Variants in ERICH3 observed in about 807,000 individuals in gnomAD.
The protein encoded by ERICH3 is glutamate rich 3, also known as glutamate-rich protein 3.
Under a neutral mutation model 131.1 loss-of-function variants are expected in ERICH3, and 126 were observed. That is an observed-to-expected ratio of 0.96 (90% CI 0.83 to 1.11). The LOEUF is 1.11. Among genes scored for constraint, ERICH3 ranks in the 50% most tolerant of loss-of-function variants. The pLI is 0.00. For missense variants in ERICH3, 2,050 were observed against 1,810.7 expected, an observed-to-expected ratio of 1.13 and a Z score of -2.40; for synonymous variants, 695 against 644.6, an observed-to-expected ratio of 1.08 and a Z score of -1.18.
Position 74,570,100 on chromosome 1 carries a change from C to T in ERICH3, c.*358G>A, listed in dbSNP as rs1425306500. On this transcript the variant is annotated 3_prime_UTR_variant, in exon 15 of 15. Transcript: ENST00000326665. ...AATAAAAAGGACTTTAAACAAACCC[C>T]TAACATTAGGACTGGGCCTTCCAGT... The T allele has an allele frequency of 6.6e-6, 1 of 152,194 alleles. No individual in the cohort carries two copies. The highest frequency in any genetic ancestry group is 1.5e-5 in the Non-Finnish European group (1 of 68,030). 9.4% of individuals were successfully genotyped at this position (152,194 alleles called of 1,614,324 possible). A position where few individuals can be genotyped will look rare whatever the true frequency, so the allele number is the denominator to read the frequency against.
Position 74,573,266 on chromosome 1 carries a change from G to T in ERICH3, c.2444C>A (p.Thr815Lys), listed in dbSNP as rs751856139. The T allele has an allele frequency of 6.3e-7, 1 of 1,599,720 alleles. No homozygotes were observed. The highest frequency in any genetic ancestry group is 8.5e-7 in the Non-Finnish European group (1 of 1,174,206). ...HEAPLRAWKP[T>K]AEQPELAEEF... ...TTCTGCCAATTCTGGCTGCTCTGCT[G>T]TTGGCTTCCACGCCCTCAAGGGAGC... The change falls in exon 14 of 15, where the codon ACA (threonine) becomes AAA (lysine). Residue 815 changes from threonine (T) to lysine (K), a missense_variant. Transcript: ENST00000326665.
rs1360292085 is a variant in ERICH3 at position 74,568,808 on chromosome 1, C to G, written c.*1650G>C. 1.3e-5 allele frequency: 2 copies of G among 152,236 alleles called. No homozygotes were observed. The highest frequency in any genetic ancestry group is 1.9e-4 in the East Asian group (1 of 5,184). 9.4% of individuals were successfully genotyped at this position (152,236 alleles called of 1,614,324 possible). On this transcript the variant is annotated 3_prime_UTR_variant, in exon 15 of 15. Coordinates refer to ENST00000326665, the MANE Select transcript of ERICH3 (RefSeq NM_001002912.5). ...TGGCTTTCCAACTGAGACTAATCCT[C>G]AATACAATCAATAGTCCATGACAGC...
chr1:74,652,535 A>G (rs1174795622), intron 1 of ERICH3, among the ~76,000 whole-genome samples: 1 of 145,366 alleles, frequency 6.9e-6, no homozygotes, highest in African/African-American at 2.5e-5. Context: ...TACTCCCTTC[A>G]CTTTTCTTTT....
intron 7 of ERICH3, chr1:74,623,589 G>C (rs1401655991): frequency 6.6e-6 from 1 of 152,086 alleles, no homozygotes; most frequent in African/African-American, 2.4e-5. Flanking sequence ...GGGGGGAAAG[G>C]GGCAGAATTT....
At chr1:74,607,287 A>G (rs1302080372) in intron 9 of ERICH3, among the ~76,000 whole-genome samples, 4 of 152,124 alleles carry the variant, frequency 2.6e-5, no homozygotes, top group African/African-American at 7.2e-5. Flanking sequence ...ACATAAAGAC[A>G]TATCTCAAGT....
chr1:74,623,428 C>T (rs1649301496), intron 7 of ERICH3: 1 of 152,128 alleles, frequency 6.6e-6, no homozygotes, highest in Admixed American at 6.5e-5. Flanking sequence ...TGTCAAAGGG[C>T]CTGTTCTTGT....
rs1646436833 is a variant in ERICH3, at chr1:74,641,441, A to T, written c.334T>A (p.Ser112Thr). ...QRFKGEHTRR[S>T]VENNMPILSP... ...AGGATTGGCATGTTATTTTCAACAGACCTTCTTGTGTGCTCTCCCTAGAAT... is the reference window on the plus strand; with the variant it reads ...AGGATTGGCATGTTATTTTCAACAGTCCTTCTTGTGTGCTCTCCCTAGAAT... The change falls in exon 5 of 15, where the codon TCT becomes ACT. Residue 112 changes from serine to threonine, a missense_variant. Transcript: ENST00000326665. 9 of 1,611,422 alleles carry T rather than the reference A, an allele frequency of 5.6e-6. No individual in the cohort carries two copies. The highest frequency in any genetic ancestry group is 7.6e-6 in the Non-Finnish European group (9 of 1,179,080).
At chr1:74,599,568 T>C in intron 11 of ERICH3, 127 bp downstream of exon 11, 1 of 852,024 alleles carries the variant, frequency 1.2e-6, no homozygotes, top group Non-Finnish European at 1.8e-6. Context: ...GTACCCCTTA[T>C]TTAAAAGTTA....
At chr1:74,570,985 C>G (rs1243861233) in intron 14 of ERICH3, 114 bp downstream of exon 14, 17 of 1,339,466 alleles carry the variant, frequency 1.3e-5, no homozygotes, top group Middle Eastern at 2.3e-4. Context: ...AGAATTGAAG[C>G]CTGTGTGTTT....
chr1:74,633,850 G>A (rs1570894081), intron 6 of ERICH3, among the ~76,000 whole-genome samples: 2 of 151,996 alleles, frequency 1.3e-5, no homozygotes, highest in South Asian at 4.1e-4. Flanking sequence ...ACAAATACTT[G>A]TACTAATTTC....
At chr1:74,602,152 A>T (rs1383501582) in intron 10 of ERICH3, among the ~76,000 whole-genome samples, 1 of 151,950 alleles carries the variant, frequency 6.6e-6, no homozygotes, top group Non-Finnish European at 1.5e-5. Context: ...ATTGAGGCAC[A>T]GCACAAAAGT....
At chr1:74,600,995 A>T (rs1429549371) in intron 10 of ERICH3, among the ~76,000 whole-genome samples, 1 of 151,830 alleles carries the variant, frequency 6.6e-6, no homozygotes, top group Non-Finnish European at 1.5e-5. Context: ...GTGCATATGC[A>T]GAAAGCTCTG....
intron 11 of ERICH3, among the ~76,000 whole-genome samples, chr1:74,595,099 G>A (rs1266231180): frequency 6.6e-6 from 1 of 151,982 alleles, no homozygotes; most frequent in Non-Finnish European, 1.5e-5. Flanking sequence ...CATATATGCT[G>A]CTCTTAATTT....
chr1:74,597,475 C>T (rs115039771), intron 11 of ERICH3, among the ~76,000 whole-genome samples: 2,521 of 151,978 alleles, frequency 0.017, 82 homozygotes, highest in African/African-American at 0.058. Flanking sequence ...CTTAAATTTC[C>T]CAATATTTGT....
At chr1:74,580,671 G>C (rs1159111766) in intron 12 of ERICH3, among the ~76,000 whole-genome samples, 1 of 152,128 alleles carries the variant, frequency 6.6e-6, no homozygotes, top group Non-Finnish European at 1.5e-5. Context: ...CTTTCCTTTT[G>C]TGAATTTCCT....
intron 11 of ERICH3, 47 bp downstream of exon 11, chr1:74,599,648 C>G: frequency 7.1e-7 from 1 of 1,404,768 alleles, no homozygotes; most frequent in Non-Finnish European, 9.7e-7. Context: ...AAGTAGTAAA[C>G]ACACTCAGTA....
In ERICH3 at chr1:74,641,420, T is replaced by C. The variant is rs151168669; in HGVS notation, c.355A>G (p.Ile119Val). 1.2e-6 allele frequency: 2 copies of C among 1,610,938 alleles called. No individual in the cohort carries two copies. The highest frequency in any genetic ancestry group is 1.7e-5 in the Admixed American group (1 of 59,172). ...CCAACTGGTGGGTGGGGAGACAGGA[T>C]TGGCATGTTATTTTCAACAGACCTT... ...TRRSVENNMP[I>V]LSPHPPVGPK... Residue 119 changes from isoleucine (I) to valine (V), a missense_variant, in exon 5 of 15, where the codon ATC becomes GTC. By Grantham distance (29) the Ile-to-Val change is conservative (BLOSUM62 3). Transcript: ENST00000326665.
At chr1:74,672,267 C>A (rs910602683) in intron 1 of ERICH3, among the ~76,000 whole-genome samples, 16 of 152,152 alleles carry the variant, frequency 1.1e-4, no homozygotes, top group Non-Finnish European at 2.2e-4. Flanking sequence ...TACGTAGCAT[C>A]TTACATGACC....
intron 11 of ERICH3, among the ~76,000 whole-genome samples, chr1:74,598,678 G>C (rs986396077): frequency 2.6e-5 from 4 of 151,798 alleles, no homozygotes; most frequent in Non-Finnish European, 5.9e-5. Flanking sequence ...CAACCCACCA[G>C]GAGTTAGGGT....
Sources: allele counts gnomAD v4.1 joint callset (sites outside exome capture counted in the v4.1 genomes callset), GRCh38; gene constraint gnomAD v4.1.1; transcripts MANE v1.5; gene names NCBI Gene and HGNC (gene_info 2026-07-23, HGNC 2026-07-21).